Variants in RFX2 observed in about 807,000 individuals in gnomAD.
The protein encoded by RFX2 is DNA-binding protein RFX2.
A neutral mutation model predicts 87.8 loss-of-function variants in RFX2; 20 were observed. The ratio of observed to expected loss-of-function variants is 0.23; its 90% confidence interval spans 0.16 to 0.33. The LOEUF (loss-of-function observed/expected upper bound fraction) is 0.33. RFX2 is among the 10% of genes least tolerant of loss of function. The pLI is 1.00. For synonymous variants in RFX2, 397 were observed against 431.3 expected (o/e 0.92, Z 0.98); for missense variants, 767 against 1,012.3 (o/e 0.76, Z 3.29).
intron 13 of RFX2, among the ~76,000 whole-genome samples, chr19:6,003,427 C>T (rs139120525): frequency 7.2e-5 from 11 of 152,108 alleles, no homozygotes; most frequent in East Asian, 1.9e-4. Flanking sequence ...AGATCAATTC[C>T]GAAGAGCAGG....
At chr19:6,069,511 A>C (rs1344613181) in intron 1 of RFX2, among the ~76,000 whole-genome samples, 1 of 152,232 alleles carries the variant, frequency 6.6e-6, no homozygotes, top group East Asian at 1.9e-4. Context: ...CCATAAGACT[A>C]TCTGGGCTCA....
In RFX2 at chr19:6,107,616, CAAAAAAAAAAAA is replaced by C. The variant is rs1156483792; in HGVS notation, c.-9+2765_-9+2776del. ...TGGGTGACAGAGTGAGACCCTGTCTCAAAAAAAAAAAAAAAAAAAAAAAAAAAATCCACAGGT... is the reference window on the plus strand; with the variant it reads ...TGGGTGACAGAGTGAGACCCTGTCTCAAAAAAAAAAAAAAAATCCACAGGT... On this transcript the variant is annotated intron_variant, in intron 1 of 17. Coordinates refer to ENST00000303657, the MANE Select transcript of RFX2 (RefSeq NM_000635.4). Among the ~76,000 whole-genome samples the C allele has an allele frequency of 5.7e-4, 18 of 31,558 alleles. No individual in the cohort carries two copies. In the East Asian group the frequency reaches 9.7e-3, roughly 17 times the overall value. The allele number at this position is 31,558 out of a possible 152,430, so 20.7% of individuals were successfully genotyped here. A position where few individuals can be genotyped will look rare whatever the true frequency, so the allele number is the denominator to read the frequency against.
At chr19:6,066,509 A>G (rs1024833416) in intron 1 of RFX2, among the ~76,000 whole-genome samples, 1 of 152,196 alleles carries the variant, frequency 6.6e-6, no homozygotes, top group Non-Finnish European at 1.5e-5. Context: ...CAGGAATTAG[A>G]TCAAAAAAGA....
chr19:6,065,013 G>A (rs1305371129), intron 1 of RFX2, among the ~76,000 whole-genome samples: 2 of 151,948 alleles, frequency 1.3e-5, no homozygotes, highest in Non-Finnish European at 2.9e-5. Context: ...CCTGATATAT[G>A]GGAAAATACT....
chr19:6,104,934 A>G (rs1298421970), intron 1 of RFX2, among the ~76,000 whole-genome samples: 1 of 152,068 alleles, frequency 6.6e-6, no homozygotes, highest in Non-Finnish European at 1.5e-5. Flanking sequence ...CTTGGCCAGC[A>G]TGGTGAAACC....
intron 1 of RFX2, among the ~76,000 whole-genome samples, chr19:6,062,016 G>A (rs1301005579): frequency 2.0e-5 from 3 of 152,074 alleles, no homozygotes; most frequent in African/African-American, 7.2e-5. Flanking sequence ...CAAACTGGGG[G>A]CCGGGGAAGG....
At chr19:6,087,873 A>C (rs1438597619) in intron 1 of RFX2, among the ~76,000 whole-genome samples, 1 of 152,186 alleles carries the variant, frequency 6.6e-6, no homozygotes, top group Non-Finnish European at 1.5e-5. Context: ...GTGATGGGTT[A>C]CAGGTGCTGG....
intron 3 of RFX2, among the ~76,000 whole-genome samples, chr19:6,043,338 C>A (rs1455278265): frequency 6.6e-6 from 1 of 152,222 alleles, no homozygotes; most frequent in Non-Finnish European, 1.5e-5. Flanking sequence ...ATCCTGCAAA[C>A]CTTCCTAGTT....
rs978579230 is a variant in RFX2, at chr19:6,050,583, C to A, written c.-8-3079G>T. ...AAACAAAAACTTAACTGGATGCACT[C>A]AACAGCTGGTTAAAGATAATGGAAA... On this transcript the variant is annotated intron_variant, in intron 1 of 17. Transcript: ENST00000303657. This position sits in a 1 kb window ranked among gnomAD's most constrained non-coding sequence, Gnocchi z 4.6. Among the ~76,000 whole-genome samples the A allele has an allele frequency of 1.3e-5, 2 of 152,034 alleles. No individual in the cohort carries two copies. The highest frequency in any genetic ancestry group is 2.4e-5 in the African/African-American group (1 of 41,390).
chr19:6,006,928 G>A, intron 12 of RFX2, 84 bp downstream of exon 12: 10 of 1,486,156 alleles, frequency 6.7e-6, no homozygotes, highest in Non-Finnish European at 8.3e-6. Flanking sequence ...GGTCTGAGGT[G>A]GCTGAAGACG....
In RFX2 at chr19:6,007,927, C is replaced by G. The variant is rs1415906851; in HGVS notation, c.1135-125G>C. ...TGCCCTGGAATCCCAAGGGAGGCCA[C>G]AGAGAGGAGAGGAGCAGGCGATGGA... On this transcript the variant is annotated intron_variant, in intron 10 of 17. Coordinates refer to ENST00000303657, the MANE Select transcript of RFX2 (RefSeq NM_000635.4). The surrounding 1 kb of genome is among the most constrained non-coding windows in gnomAD (Gnocchi z 8.2). 1 of 811,592 alleles carries G rather than the reference C, an allele frequency of 1.2e-6. No homozygotes were observed. Among genetic ancestry groups the G allele is most frequent in the South Asian group, 1.5e-5 (1 of 65,372 alleles). 50.3% of individuals were successfully genotyped at this position (811,592 alleles called of 1,614,324 possible).
rs148510798 is a variant in RFX2, at chr19:6,026,540, C to T, written c.523-303G>A. On this transcript the variant is annotated intron_variant, in intron 5 of 17. Transcript: ENST00000303657. This position sits in a 1 kb window ranked among gnomAD's most constrained non-coding sequence, Gnocchi z 4.5. ...CTTTAACCTGGCATATGTGTGTGCA[C>T]GCCGTAGCATTAATATGCAGCCACT... is the stretch of plus-strand genomic sequence containing the variant. 11 of 445,010 alleles carry T rather than the reference C, an allele frequency of 2.5e-5. No homozygotes were observed. The highest frequency in any genetic ancestry group is 1.4e-4 in the African/African-American group (7 of 49,796). The allele number at this position is 445,010 out of a possible 1,614,324, so 27.6% of individuals were successfully genotyped here. A position where few individuals can be genotyped will look rare whatever the true frequency, so the allele number is the denominator to read the frequency against.
chr19:6,037,685 T>G (rs2087043358), intron 5 of RFX2, among the ~76,000 whole-genome samples: 1 of 152,206 alleles, frequency 6.6e-6, no homozygotes, highest in Admixed American at 6.5e-5. Context: ...TACAGAAACT[T>G]TGAGTTTATA....
intron 1 of RFX2, among the ~76,000 whole-genome samples, chr19:6,105,782 A>G (rs1050896045): frequency 2.6e-5 from 4 of 152,060 alleles, no homozygotes; most frequent in Non-Finnish European, 4.4e-5. Context: ...GAGAGGAGTC[A>G]AGGACAGTCC....
chr19:6,092,539 G>A (rs1029002216), intron 1 of RFX2, among the ~76,000 whole-genome samples: 2 of 152,202 alleles, frequency 1.3e-5, no homozygotes, highest in Non-Finnish European at 2.9e-5. Context: ...TCGAGTCCGC[G>A]CAGGAGTCAA....
chr19:6,039,933 A>G lies in RFX2; in HGVS notation c.522+47T>C, dbSNP rs765856247. On this transcript the variant is annotated intron_variant, in intron 5 of 17. Transcript: ENST00000303657. This position sits in a 1 kb window ranked among gnomAD's most constrained non-coding sequence, Gnocchi z 5.2. ...CACCATCCCTGCTGCCGCTGCTTCG[A>G]GAATACTCATGGCCTACCCTGCTGG... 2 of 1,486,370 alleles carry G rather than the reference A, an allele frequency of 1.3e-6. No homozygotes were observed. The highest frequency in any genetic ancestry group is 9.0e-7 in the Non-Finnish European group (1 of 1,105,658). 92.1% of individuals were successfully genotyped at this position (1,486,370 alleles called of 1,614,324 possible). A position where few individuals can be genotyped will look rare whatever the true frequency, so the allele number is the denominator to read the frequency against.
rs1040290144 is a variant in RFX2, at chr19:5,998,752, G to A, written c.1860-1539C>T. Among the ~76,000 whole-genome samples the A allele has an allele frequency of 3.9e-5, 6 of 152,082 alleles. No individual in the cohort carries two copies. The highest frequency in any genetic ancestry group is 2.1e-4 in the South Asian group (1 of 4,814). On this transcript the variant is annotated intron_variant, in intron 15 of 17. Coordinates refer to ENST00000303657, the MANE Select transcript of RFX2 (RefSeq NM_000635.4). The surrounding 1 kb of genome is among the most constrained non-coding windows in gnomAD (Gnocchi z 4.2). ...AAAGTATTTCCAGAACATCGCCTGC[G>A]GTCACCCCGGTATCTCTGGGTTCCC...
Position 6,011,142 on chromosome 19 carries a change from A to G in RFX2, c.900-891T>C, listed in dbSNP as rs1452771582. Among the ~76,000 whole-genome samples the G allele has an allele frequency of 6.6e-6, 1 of 151,394 alleles. No individual in the cohort carries two copies. On this transcript the variant is annotated intron_variant, in intron 8 of 17. Coordinates refer to ENST00000303657, the MANE Select transcript of RFX2 (RefSeq NM_000635.4). The surrounding 1 kb of genome is among the most constrained non-coding windows in gnomAD (Gnocchi z 4.8). ...AAAAAAAATAAATAAATTAATTAAA[A>G]TAAAATAAAATAAAATAAAATAAAA...
intron 5 of RFX2, among the ~76,000 whole-genome samples, chr19:6,031,676 C>T (rs1412082048): frequency 2.0e-5 from 3 of 152,024 alleles, no homozygotes; most frequent in Non-Finnish European, 2.9e-5. Flanking sequence ...GTGATCCACC[C>T]GCCTTGGCCT....
Sources: allele counts gnomAD v4.1 joint callset (sites outside exome capture counted in the v4.1 genomes callset), GRCh38; gene constraint gnomAD v4.1.1; non-coding constraint Gnocchi (gnomAD v3.1); transcripts MANE v1.5; gene names NCBI Gene and HGNC (gene_info 2026-07-23, HGNC 2026-07-21).